Variants in HYDIN observed in about 807,000 individuals in gnomAD.
HYDIN encodes the protein HYDIN axonemal central pair apparatus protein.
Under a neutral mutation model 403.9 loss-of-function variants are expected in HYDIN, and 132 were observed. The ratio of observed to expected loss-of-function variants is 0.33; its 90% CI spans 0.28 to 0.38. HYDIN has a LOEUF of 0.38. Among genes scored for constraint, HYDIN ranks in the 10% least tolerant of loss-of-function variants. The pLI is 1.00. For missense variants in HYDIN, 2,827 were observed against 5,009.5 expected (o/e 0.56, Z 13.15); for synonymous variants, 1,202 against 1,891.7 (o/e 0.64, Z 9.46).
Position 70,954,852 on chromosome 16 carries a change from T to A in HYDIN, c.6316+523A>T, listed in dbSNP as rs112330724. Among the ~76,000 whole-genome samples, 8 of 152,346 alleles carry A rather than the reference T, an allele frequency of 5.3e-5. 1 individual carries two copies. Among genetic ancestry groups the A allele is most frequent in the African/African-American group, 1.9e-4 (8 of 41,578 alleles). On this transcript the variant is annotated intron_variant, in intron 40 of 85. Coordinates refer to ENST00000393567, the MANE Select transcript of HYDIN (RefSeq NM_001270974.2). ...TAATCTTGGCATTCAAGGTGAACAA[T>A]GATTGGCCTCAACCTGCCTTCCCAC...
intron 67 of HYDIN, 151 bp downstream of exon 67, chr16:70,866,018 A>T: frequency 1.8e-6 from 1 of 540,784 alleles, no homozygotes; most frequent in Non-Finnish European, 3.3e-6. Flanking sequence ...TGAATGTTTC[A>T]TTGGACCTAA....
intron 18 of HYDIN, among the ~76,000 whole-genome samples, chr16:71,059,966 C>T (rs1391017141): frequency 2.6e-5 from 4 of 151,988 alleles, no homozygotes; most frequent in Non-Finnish European, 4.4e-5. Context: ...TGAATACTCT[C>T]CTGTATTTCA....
chr16:71,215,540 C>T (rs886670319), intron 1 of HYDIN, among the ~76,000 whole-genome samples: 6 of 149,980 alleles, frequency 4.0e-5, no homozygotes, highest in Admixed American at 6.7e-5. Flanking sequence ...GCTGATAACA[C>T]GTAAATCCTG....
chr16:70,924,903 G>A (rs2077102229), intron 45 of HYDIN, among the ~76,000 whole-genome samples: 2 of 136,216 alleles, frequency 1.5e-5, no homozygotes, highest in Non-Finnish European at 3.1e-5. Flanking sequence ...AACCATGGCG[G>A]CACACGTTTA....
intron 14 of HYDIN, among the ~76,000 whole-genome samples, chr16:71,068,822 T>C (rs532749776): frequency 2.0e-5 from 3 of 152,316 alleles, no homozygotes; most frequent in South Asian, 2.1e-4. Flanking sequence ...ACATCCACCA[T>C]GAATGAAGCC....
At chr16:70,937,669 CAAAAAAAA>C (rs55658404) in intron 44 of HYDIN, among the ~76,000 whole-genome samples, 1 of 80,966 alleles carries the variant, frequency 1.2e-5, no homozygotes, top group South Asian at 5.1e-4. Flanking sequence ...GAGTCTGTCT[CAAAAAAAA>C]AAAAAAAAAA....
At chr16:70,834,650 A>G (rs1273952282) in intron 78 of HYDIN, among the ~76,000 whole-genome samples, 11 of 151,970 alleles carry the variant, frequency 7.2e-5, no homozygotes, top group African/African-American at 2.4e-4. Context: ...GAGTTTGACA[A>G]CAGCCTGGCC....
chr16:70,921,670 G>A (rs912810255), intron 45 of HYDIN, among the ~76,000 whole-genome samples: 2 of 152,084 alleles, frequency 1.3e-5, no homozygotes, highest in African/African-American at 2.4e-5. Flanking sequence ...TCTGTATAAC[G>A]GAGATAGCAA....
intron 5 of HYDIN, among the ~76,000 whole-genome samples, chr16:71,167,030 A>C (rs2040200538): frequency 1.4e-5 from 2 of 148,106 alleles, no homozygotes; most frequent in Admixed American, 1.3e-4. Context: ...GCACCACTGC[A>C]CCCCAGCCTG....
chr16:71,169,936 T>C (rs1189982369), intron 5 of HYDIN, among the ~76,000 whole-genome samples: 1 of 152,188 alleles, frequency 6.6e-6, no homozygotes. Flanking sequence ...ACACCACAAA[T>C]ATATACAATT....
intron 83 of HYDIN, among the ~76,000 whole-genome samples, chr16:70,826,745 C>CTG (rs368582591): frequency 9.0e-5 from 11 of 122,690 alleles, no homozygotes; most frequent in East Asian, 8.6e-4. Flanking sequence ...CTCTCTCTCT[C>CTG]TGTGTGTGTG....
chr16:70,890,475 G>C (rs1035509032), intron 57 of HYDIN, among the ~76,000 whole-genome samples: 1 of 152,146 alleles, frequency 6.6e-6, no homozygotes, highest in African/African-American at 2.4e-5. Context: ...TAGGAAGAAA[G>C]AGACTTTACA....
Position 70,850,668 on chromosome 16 carries a change from C to A in HYDIN, c.12444-13G>T, listed in dbSNP as rs1303447867. On this transcript the variant is annotated splice_polypyrimidine_tract_variant and intron_variant, in intron 73 of 85. Coordinates refer to ENST00000393567, the MANE Select transcript of HYDIN (RefSeq NM_001270974.2). ...ATCAATTGGGAACCTGGTTGGGGAA[C>A]AAAACAGCAGATTACCTGACTAGGC... is the stretch of plus-strand genomic sequence containing the variant. 6.2e-7 allele frequency: 1 copy of A among 1,611,086 alleles called. No individual in the cohort carries two copies. Among genetic ancestry groups the A allele is most frequent in the Admixed American group, 1.7e-5 (1 of 59,936 alleles).
rs556176948 is a variant in HYDIN, at chr16:71,209,422, A to G, written c.-24+21140T>C. Among the ~76,000 whole-genome samples the G allele has an allele frequency of 2.6e-5, 4 of 152,060 alleles. No individual in the cohort carries two copies. In the South Asian group the frequency reaches 8.4e-4, roughly 32 times the overall value. On this transcript the variant is annotated intron_variant, in intron 1 of 85. Transcript: ENST00000393567. ...AAATAATGAGAGCTGTGCATGACAA[A>G]CTCAGAGCCAACATCATACTGAATG...
intron 29 of HYDIN, among the ~76,000 whole-genome samples, chr16:70,980,528 T>C (rs1032714752): frequency 3.4e-5 from 5 of 146,836 alleles, no homozygotes; most frequent in African/African-American, 1.2e-4. Flanking sequence ...GTCTTGCCTA[T>C]ATATATATAT....
chr16:71,206,571 A>G (rs12597903), intron 1 of HYDIN, among the ~76,000 whole-genome samples: 54,784 of 152,036 alleles, frequency 0.36, 10,327 homozygotes, highest in East Asian at 0.58. Flanking sequence ...TCTTAACCAG[A>G]CTGAGATGGC....
At chr16:71,170,348 A>G (rs576691663) in intron 5 of HYDIN, among the ~76,000 whole-genome samples, 39 of 152,348 alleles carry the variant, frequency 2.6e-4, no homozygotes, top group Admixed American at 1.6e-3. Flanking sequence ...GGATCATTAC[A>G]AAAACAAAAT....
chr16:71,188,165 A>G (rs2087246208), intron 1 of HYDIN, among the ~76,000 whole-genome samples: 1 of 152,050 alleles, frequency 6.6e-6, no homozygotes, highest in Admixed American at 6.6e-5. Context: ...GAGGATTTCT[A>G]TCTTTTTCCC....
intron 5 of HYDIN, 79 bp downstream of exon 5, chr16:71,175,528 T>A: frequency 3.6e-5 from 45 of 1,249,174 alleles, no homozygotes; most frequent in African/African-American, 4.5e-5. Context: ...CCACCAGCAC[T>A]ACCGCCTCTG....
Sources: gnomAD v4.1 joint callset for allele counts (sites outside exome capture counted in the v4.1 genomes callset) on GRCh38, gnomAD v4.1.1 for gene constraint, MANE v1.5 for transcripts, NCBI Gene and HGNC (gene_info 2026-07-23, HGNC 2026-07-21) for gene names.